MS4A4A: variants seen among roughly 807,000 people sequenced by gnomAD.
MS4A4A encodes membrane-spanning 4-domains subfamily A member 4A.
Under a neutral mutation model 28.0 loss-of-function variants are expected in MS4A4A, and 26 were observed. The ratio of observed to expected loss-of-function variants is 0.93; its 90% CI spans 0.68 to 1.29. MS4A4A has a LOEUF of 1.29. Among genes scored for constraint, MS4A4A ranks in the 50% most tolerant of loss-of-function variants. MS4A4A has a pLI of 0.00. For missense variants in MS4A4A, 290 were observed against 293.1 expected (o/e 0.99, Z 0.08); for synonymous variants, 86 against 100.8 (o/e 0.85, Z 0.88).
chr11:60,283,775 T>C (rs2084777669), intron 1 of MS4A4A, among the ~76,000 whole-genome samples: 1 of 151,896 alleles, frequency 6.6e-6, no homozygotes. Flanking sequence ...ATAAGACCTA[T>C]TTTATTTTAG....
intron 3 of MS4A4A, among the ~76,000 whole-genome samples, chr11:60,300,318 A>G (rs2084940289): frequency 6.6e-6 from 1 of 152,164 alleles, no homozygotes; most frequent in Non-Finnish European, 1.5e-5. Flanking sequence ...TATTTTGCTT[A>G]TAAGTTTAAA....
At chr11:60,292,049 G>A (rs145724844) in intron 1 of MS4A4A, among the ~76,000 whole-genome samples, 176 bp from the exon 2 acceptor site, 201 of 151,404 alleles carry the variant, frequency 1.3e-3, no homozygotes, top group Non-Finnish European at 2.3e-3. Context: ...ACCTGCCCCC[G>A]CCCCACACAC....
chr11:60,290,941 G>A (rs574934033), intron 1 of MS4A4A, among the ~76,000 whole-genome samples: 1 of 152,122 alleles, frequency 6.6e-6, no homozygotes, highest in East Asian at 1.9e-4. Flanking sequence ...CAATAAAAGG[G>A]CACACATCTC....
intron 1 of MS4A4A, among the ~76,000 whole-genome samples, chr11:60,286,724 G>C (rs1590750689): frequency 6.6e-6 from 1 of 152,112 alleles, no homozygotes; most frequent in Admixed American, 6.6e-5. Context: ...GCTAGTCTTT[G>C]CATGGAACAG....
chr11:60,300,211 A>G (rs1179047009), intron 3 of MS4A4A, among the ~76,000 whole-genome samples: 1 of 152,234 alleles, frequency 6.6e-6, no homozygotes, highest in Non-Finnish European at 1.5e-5. Context: ...TTGACTAGTT[A>G]TTTTAGCTAA....
chr11:60,298,814 C>T (rs983559688), intron 3 of MS4A4A, among the ~76,000 whole-genome samples: 3 of 152,226 alleles, frequency 2.0e-5, no homozygotes, highest in Non-Finnish European at 2.9e-5. Flanking sequence ...CGTAGGTGTT[C>T]CATTAGATGA....
intron 3 of MS4A4A, among the ~76,000 whole-genome samples, chr11:60,299,259 A>G (rs2084930005): frequency 6.6e-6 from 1 of 152,154 alleles, no homozygotes. Flanking sequence ...AAGAATAGTT[A>G]AACCACTTGT....
chr11:60,308,000 A>G lies in MS4A4A; in HGVS notation c.649-107A>G. The G allele has an allele frequency of 3.1e-6, 3 of 969,132 alleles. No individual in the cohort carries two copies. The South Asian group carries it at 4.4e-5, about 14-fold the overall frequency. 60.0% of individuals were successfully genotyped at this position (969,132 alleles called of 1,614,324 possible). A position where few individuals can be genotyped will look rare whatever the true frequency, so the allele number is the denominator to read the frequency against. ...ACATACTTGATCTTGAGAATGAATC[A>G]GAGAAGAAAAGAGTAAACTCTGATA... is the stretch of plus-strand genomic sequence containing the variant. On this transcript the variant is annotated intron_variant, in intron 6 of 6. Coordinates refer to ENST00000337908, the MANE Select transcript of MS4A4A (RefSeq NM_148975.3).
rs191069803 is a variant in MS4A4A at position 60,305,965 on chromosome 11, G to C, written c.547-135G>C. ...TCAGCAGATCAAGAATTGGTCAAGG[G>C]TATGGCTGCCATTGGGAGGCAGGTT... is the stretch of plus-strand genomic sequence containing the variant. On this transcript the variant is annotated intron_variant, in intron 5 of 6. Coordinates refer to ENST00000337908, the MANE Select transcript of MS4A4A (RefSeq NM_148975.3). 4.6e-6 allele frequency: 3 copies of C among 649,968 alleles called. No individual in the cohort carries two copies. In the Admixed American group the frequency reaches 8.7e-5, roughly 19 times the overall value. 40.3% of individuals were successfully genotyped at this position (649,968 alleles called of 1,614,324 possible).
In MS4A4A at chr11:60,301,082, T is replaced by C. The variant is rs766985783; in HGVS notation, c.387+25T>C. On this transcript the variant is annotated intron_variant, in intron 4 of 6. Transcript: ENST00000337908. ...GGTGAGTAATATTTTCTTTTTTTGG[T>C]ATCAAAAAAAGGAAGGATTAATAAA... 2.6e-6 allele frequency: 4 copies of C among 1,535,478 alleles called. No homozygotes were observed. In the Admixed American group the frequency reaches 6.0e-5, roughly 23 times the overall value.
intron 1 of MS4A4A, among the ~76,000 whole-genome samples, chr11:60,285,417 G>T (rs369298447): frequency 6.6e-6 from 1 of 152,292 alleles, no homozygotes; most frequent in East Asian, 1.9e-4. Flanking sequence ...GGTCGAGGCT[G>T]CAGTGAGTCA....
intron 6 of MS4A4A, among the ~76,000 whole-genome samples, chr11:60,306,851 T>A (rs1229883551): frequency 6.6e-6 from 1 of 152,234 alleles, no homozygotes; most frequent in Non-Finnish European, 1.5e-5. Flanking sequence ...TTACAACAAC[T>A]TTTCCTGGTA....
intron 1 of MS4A4A, among the ~76,000 whole-genome samples, chr11:60,286,534 G>A (rs2084805203): frequency 6.6e-6 from 1 of 152,222 alleles, no homozygotes; most frequent in African/African-American, 2.4e-5. Context: ...CATGGCTTCA[G>A]CCGGTCCCTC....
At chr11:60,291,799 AAAAAAAAAAC>A (rs1170554746) in intron 1 of MS4A4A, among the ~76,000 whole-genome samples, 2 of 151,432 alleles carry the variant, frequency 1.3e-5, no homozygotes, top group Admixed American at 6.6e-5. Flanking sequence ...TCCATCTCAA[AAAAAAAAAAC>A]AAAAAAACAA....
chr11:60,308,231 C>T lies in MS4A4A; in HGVS notation c.*53C>T. On this transcript the variant is annotated 3_prime_UTR_variant, in exon 7 of 7. Coordinates refer to ENST00000337908, the MANE Select transcript of MS4A4A (RefSeq NM_148975.3). ...CTCCAGAAATCTATGCTGACTGTGACACAAGAGCCTCACATGAGAAATTAC... is the reference window on the plus strand; with the variant it reads ...CTCCAGAAATCTATGCTGACTGTGATACAAGAGCCTCACATGAGAAATTAC... The T allele has an allele frequency of 2.6e-6, 4 of 1,538,868 alleles. No individual in the cohort carries two copies. The highest frequency in any genetic ancestry group is 4.5e-5 in the East Asian group (2 of 44,480).
Position 60,289,595 on chromosome 11 carries a change from ATGTGTG to A in MS4A4A, c.42-2606_42-2601del, listed in dbSNP as rs34230139. On this transcript the variant is annotated intron_variant, in intron 1 of 6. Coordinates refer to ENST00000337908, the MANE Select transcript of MS4A4A (RefSeq NM_148975.3). Reference sequence around the variant, plus strand: ...GGGGAGTGTGTGTGTGTGTGTGTGTATGTGTGTGTGTGTGTGTGTGTGTGTGTGTTG... The same window carrying A: ...GGGGAGTGTGTGTGTGTGTGTGTGTATGTGTGTGTGTGTGTGTGTGTGTTG... Among the ~76,000 whole-genome samples the A allele has an allele frequency of 5.0e-3, 634 of 128,012 alleles. 2 individuals are homozygous for A. The highest frequency in any genetic ancestry group is 0.019 in the Middle Eastern group (5 of 260). 84.0% of individuals were successfully genotyped at this position (128,012 alleles called of 152,430 possible).
intron 1 of MS4A4A, among the ~76,000 whole-genome samples, chr11:60,284,297 C>T (rs1295303364): frequency 6.6e-6 from 1 of 152,170 alleles, no homozygotes; most frequent in African/African-American, 2.4e-5. Flanking sequence ...ATGCTAAATA[C>T]ATATTGACTA....
At chr11:60,298,880 C>T (rs1272392358) in intron 3 of MS4A4A, among the ~76,000 whole-genome samples, 2 of 152,204 alleles carry the variant, frequency 1.3e-5, no homozygotes, top group Admixed American at 1.3e-4. Flanking sequence ...ATTCTTTCAA[C>T]CTTTTTTTCC....
intron 2 of MS4A4A, among the ~76,000 whole-genome samples, chr11:60,293,623 A>G (rs1260395705): frequency 6.6e-6 from 1 of 152,218 alleles, no homozygotes; most frequent in African/African-American, 2.4e-5. Context: ...CCTTTGTAGT[A>G]TCACATAGTA....
Sources: gnomAD v4.1 joint callset for allele counts (sites outside exome capture counted in the v4.1 genomes callset) on GRCh38, gnomAD v4.1.1 for gene constraint, MANE v1.5 for transcripts, NCBI Gene and HGNC (gene_info 2026-07-23, HGNC 2026-07-21) for gene names.